The following TDRD3 variants were observed in gnomAD, a reference collection of about 807,000 sequenced individuals.
The protein encoded by TDRD3 is tudor domain containing 3, also known as tudor domain-containing protein 3.
TDRD3 carries 45 observed loss-of-function variants against 86.7 expected under a neutral mutation model. The observed-to-expected ratio is 0.52, with a 90% CI of 0.41 to 0.67. The LOEUF is 0.67. Among genes scored for constraint, TDRD3 ranks in the 30% least tolerant of loss-of-function variants. The pLI, the probability that TDRD3 is intolerant of heterozygous loss-of-function variation, is 0.00. For missense variants in TDRD3, 814 were observed against 889.0 expected (o/e 0.92, Z 1.07); for synonymous variants, 298 against 301.7 (o/e 0.99, Z 0.13).
chr13:60,467,413 ATT>A (rs749675645), intron 5 of TDRD3, 34 bp downstream of exon 5: 2 of 1,603,858 alleles, frequency 1.2e-6, no homozygotes, highest in Non-Finnish European at 1.7e-6. Context: ...CTTTTGAAAC[ATT>A]ACACTCTTTT....
At chr13:60,459,651 C>T (rs988636807) in intron 3 of TDRD3, among the ~76,000 whole-genome samples, 3 of 152,200 alleles carry the variant, frequency 2.0e-5, no homozygotes, top group Admixed American at 6.5e-5. Flanking sequence ...GACGGAGTCT[C>T]GCTCTGTCAT....
At position 60,471,284 on chromosome 13, in the gene TDRD3, C is replaced by T. The variant is rs558393966; in HGVS notation, c.495+3905C>T. On this transcript the variant is annotated intron_variant, in intron 5 of 13. Coordinates refer to ENST00000377881, the MANE Select transcript of TDRD3 (RefSeq NM_001146070.2). ...TGAATATCCAGTTTTCCCAGCACTA[C>T]TTTTTGAAAATAGTGTTCTTAATGA... Among the ~76,000 whole-genome samples, 6 of 152,244 alleles carry T rather than the reference C, an allele frequency of 3.9e-5. No homozygotes were observed. The South Asian group carries it at 1.2e-3, about 32-fold the overall frequency.
intron 12 of TDRD3, among the ~76,000 whole-genome samples, chr13:60,557,331 A>C (rs1413591125): frequency 6.6e-6 from 1 of 152,194 alleles, no homozygotes; most frequent in Non-Finnish European, 1.5e-5. Context: ...AGTTATTTGC[A>C]AGAGGCAGAG....
intron 3 of TDRD3, among the ~76,000 whole-genome samples, chr13:60,458,586 G>A (rs557059202): frequency 1.2e-4 from 19 of 152,268 alleles, no homozygotes; most frequent in African/African-American, 4.3e-4. Flanking sequence ...ACATTTGAAT[G>A]GAAGTGCGGT....
chr13:60,547,448 G>A (rs1248675475), intron 12 of TDRD3: 3 of 982,042 alleles, frequency 3.1e-6, no homozygotes, highest in African/African-American at 1.7e-5. Flanking sequence ...AGAAGACCTG[G>A]GTTCGAGTCC....
In TDRD3 at chr13:60,550,924, T is replaced by C. The variant is rs148614767; in HGVS notation, c.2118+15691T>C. The stretch of plus-strand genomic sequence containing the variant: ...TTTTACTTACATTAATTCATTTAAG[T>C]ATAGGAGCTGCTTATGGATACTGCA... On this transcript the variant is annotated intron_variant, in intron 12 of 13. Transcript: ENST00000377881. Among the ~76,000 whole-genome samples, 565 of 152,288 alleles carry C rather than the reference T, an allele frequency of 3.7e-3. 6 individuals carry two copies. The highest frequency in any genetic ancestry group is 0.013 in the African/African-American group (550 of 41,584).
Position 60,460,520 on chromosome 13 carries a change from T to G in TDRD3, c.333T>G (p.Phe111Leu). ...DGHISCTAVE[F>L]SYMSKISLNT... Reference sequence around the variant, plus strand: ...ATATAAGTTGCACAGCAGTAGAATTTAGTTATATGTCAAAAATAAGGTGAT... The same window carrying G: ...ATATAAGTTGCACAGCAGTAGAATTGAGTTATATGTCAAAAATAAGGTGAT... The change falls in exon 4 of 14, where the codon TTT (phenylalanine) becomes TTG (leucine). Residue 111 changes from phenylalanine to leucine, a missense_variant. By Grantham distance (22) the Phe-to-Leu change is conservative. Transcript: ENST00000377881. The G allele has an allele frequency of 6.4e-7, 1 of 1,555,412 alleles. No individual in the cohort carries two copies. Among genetic ancestry groups the G allele is most frequent in the Non-Finnish European group, 8.6e-7 (1 of 1,161,232 alleles).
rs1012750490 is a variant in TDRD3 at position 60,523,269 on chromosome 13, T to G, written c.1142-5098T>G. ...ATTCTGCAAAAAAGTATTAATATTT[T>G]AAGATGCCTGATTAATTTAGTACAT... On this transcript the variant is annotated intron_variant, in intron 10 of 13. Coordinates refer to ENST00000377881, the MANE Select transcript of TDRD3 (RefSeq NM_001146070.2). Among the ~76,000 whole-genome samples, 5 of 152,224 alleles carry G rather than the reference T, an allele frequency of 3.3e-5. No individual in the cohort carries two copies. The East Asian group carries it at 9.6e-4, about 29-fold the overall frequency.
intron 13 of TDRD3, among the ~76,000 whole-genome samples, chr13:60,568,644 G>A (rs1958517366): frequency 6.6e-6 from 1 of 152,160 alleles, no homozygotes; most frequent in Non-Finnish European, 1.5e-5. Context: ...CTGAACAGGG[G>A]AAAAACTGCA....
At chr13:60,463,070 A>G (rs1030727248) in intron 4 of TDRD3, among the ~76,000 whole-genome samples, 1 of 152,204 alleles carries the variant, frequency 6.6e-6, no homozygotes, top group Non-Finnish European at 1.5e-5. Flanking sequence ...ATGTAGAAGA[A>G]TGAAATTCCC....
intron 12 of TDRD3, chr13:60,535,438 G>A: frequency 2.2e-6 from 1 of 448,870 alleles, no homozygotes; most frequent in Non-Finnish European, 3.4e-6. Flanking sequence ...TACTTTTCTT[G>A]TATAATGTTT....
intron 9 of TDRD3, among the ~76,000 whole-genome samples, chr13:60,510,301 A>G (rs1957028397): frequency 6.6e-6 from 1 of 152,164 alleles, no homozygotes; most frequent in Non-Finnish European, 1.5e-5. Flanking sequence ...TTCTTTAATC[A>G]TTGCATGGTC....
At chr13:60,443,329 G>A (rs539318631) in intron 2 of TDRD3, among the ~76,000 whole-genome samples, 15 of 151,872 alleles carry the variant, frequency 9.9e-5, no homozygotes, top group Admixed American at 2.6e-4. Flanking sequence ...CGTGAGGTAC[G>A]GTTTATATTT....
intron 12 of TDRD3, among the ~76,000 whole-genome samples, chr13:60,543,907 T>C (rs943848230): frequency 1.3e-5 from 2 of 151,874 alleles, no homozygotes; most frequent in African/African-American, 4.8e-5. Context: ...TTTTATGTAT[T>C]AACTTTCAGA....
In TDRD3 at chr13:60,475,171, T is replaced by G. The variant is rs147379976; in HGVS notation, c.495+7792T>G. Among the ~76,000 whole-genome samples the G allele has an allele frequency of 3.0e-3, 463 of 152,162 alleles. 2 individuals carry two copies. Among genetic ancestry groups the G allele is most frequent in the African/African-American group, 0.011 (439 of 41,504 alleles). On this transcript the variant is annotated intron_variant, in intron 5 of 13. Coordinates refer to ENST00000377881, the MANE Select transcript of TDRD3 (RefSeq NM_001146070.2). ...TTGTGTGTCACTGAGGCTTGGTGTA[T>G]CAAAGATCCCATCACCCATGTAGTG...
intron 12 of TDRD3, among the ~76,000 whole-genome samples, chr13:60,558,469 GA>G (rs1958252281): frequency 6.6e-6 from 1 of 152,166 alleles, no homozygotes; most frequent in Non-Finnish European, 1.5e-5. Flanking sequence ...GCATTGACCT[GA>G]AAACATATCA....
intron 1 of TDRD3, among the ~76,000 whole-genome samples, chr13:60,410,950 C>G (rs1352076773): frequency 6.6e-6 from 1 of 152,082 alleles, no homozygotes; most frequent in African/African-American, 2.4e-5. Context: ...AAAGTTGATA[C>G]ATAATGAAAG....
chr13:60,553,849 A>C (rs1033664026), intron 12 of TDRD3, among the ~76,000 whole-genome samples: 8 of 152,206 alleles, frequency 5.3e-5, no homozygotes, highest in African/African-American at 1.7e-4. Context: ...ACACAGAGTC[A>C]AACTATATCA....
intron 12 of TDRD3, among the ~76,000 whole-genome samples, chr13:60,566,069 G>C (rs139682031): frequency 6.6e-6 from 1 of 152,104 alleles, no homozygotes; most frequent in Non-Finnish European, 1.5e-5. Context: ...TTTCAGTGAT[G>C]ATAGGCCCCT....
Sources: gnomAD v4.1 joint callset for allele counts (sites outside exome capture counted in the v4.1 genomes callset) on GRCh38, gnomAD v4.1.1 for gene constraint, MANE v1.5 for transcripts, NCBI Gene and HGNC (gene_info 2026-07-23, HGNC 2026-07-21) for gene names.